TMEM40: variants seen among roughly 807,000 people sequenced by gnomAD.
TMEM40 encodes transmembrane protein 40.
Under a neutral mutation model 40.8 loss-of-function variants are expected in TMEM40, and 34 were observed. That is an observed-to-expected ratio of 0.83 (90% CI 0.63 to 1.11). TMEM40 has a LOEUF of 1.11. Ranked by LOEUF, TMEM40 falls within the 50% of genes least tolerant of loss-of-function variation. The pLI is 0.00. For missense variants in TMEM40, 296 were observed against 280.2 expected (o/e 1.06, Z -0.40); for synonymous variants, 106 against 107.0 (o/e 0.99, Z 0.06).
chr3:12,752,394 G>A (rs2061484630), intron 1 of TMEM40, among the ~76,000 whole-genome samples: 1 of 152,170 alleles, frequency 6.6e-6, no homozygotes, highest in East Asian at 1.9e-4. Flanking sequence ...CTATCTGCCA[G>A]GCAAGGTTCT....
At position 12,738,575 on chromosome 3, in the gene TMEM40, C is replaced by T. The variant is rs1376845516; in HGVS notation, c.369G>A (p.Glu123=). Residue 123 remains glutamate, a synonymous_variant, in exon 6 of 12, where the codon GAG becomes GAA. Transcript: ENST00000314124. ...ELQLYGDAPG[E]VVPSGESGLR... ...CACCTGATTCCCCAGAGGGTACCAC[C>T]TCTCCAGGAGCATCTGCACAGAAAG... 6.2e-7 allele frequency: 1 copy of T among 1,614,140 alleles called. No homozygotes were observed. The highest frequency in any genetic ancestry group is 1.1e-5 in the South Asian group (1 of 91,090).
rs2061324240 is a variant in TMEM40 at position 12,734,534 on chromosome 3, C to T, written c.*240G>A. On this transcript the variant is annotated 3_prime_UTR_variant, in exon 12 of 12. Transcript: ENST00000314124. ...TCCAGGTACTGTGAAGCCTCAGGCC[C>T]CACACCCACCCTCTGCCTTCCATCC... 2 of 534,970 alleles carry T rather than the reference C, an allele frequency of 3.7e-6. No homozygotes were observed. Among genetic ancestry groups the T allele is most frequent in the Non-Finnish European group, 6.7e-6 (2 of 296,480 alleles). The allele number at this position is 534,970 out of a possible 1,614,324, so 33.1% of individuals were successfully genotyped here.
intron 4 of TMEM40, among the ~76,000 whole-genome samples, chr3:12,743,075 TG>T (rs1322853746): frequency 3.9e-5 from 6 of 152,250 alleles, no homozygotes; most frequent in Non-Finnish European, 7.3e-5. Flanking sequence ...TGGCAGGTTC[TG>T]TACTATACAA....
upstream of TMEM40, among the ~76,000 whole-genome samples, chr3:12,763,398 A>G (rs2061581562): frequency 6.6e-6 from 1 of 152,076 alleles, no homozygotes; most frequent in African/African-American, 2.4e-5. Flanking sequence ...AGGGGACATG[A>G]TAGAGCTGCC....
chr3:12,763,476 T>G (rs1185763933), upstream of TMEM40, among the ~76,000 whole-genome samples: 1 of 151,766 alleles, frequency 6.6e-6, no homozygotes, highest in East Asian at 1.9e-4. Context: ...GTGTAGGGGG[T>G]GATTCATAGG....
rs75135909 is a variant in TMEM40 at position 12,733,915 on chromosome 3, T to A, written c.*859A>T. On this transcript the variant is annotated 3_prime_UTR_variant, in exon 12 of 12. Transcript: ENST00000314124. ...TTTATTTGTCTTTTTTTTTTTTTTT[T>A]AATTTTAGAGAAACGATCTTGCTCT... 2 of 136,196 alleles carry A rather than the reference T, an allele frequency of 1.5e-5. No individual in the cohort carries two copies. The highest frequency in any genetic ancestry group is 7.4e-5 in the Admixed American group (1 of 13,512). 8.4% of individuals were successfully genotyped at this position (136,196 alleles called of 1,614,324 possible).
At chr3:12,751,874 T>C (rs2061480226) in intron 1 of TMEM40, among the ~76,000 whole-genome samples, 1 of 152,192 alleles carries the variant, frequency 6.6e-6, no homozygotes, top group African/African-American at 2.4e-5. Context: ...GTTTACAAAG[T>C]GATGAGCTCT....
rs776857586 is a variant in TMEM40 at position 12,738,604 on chromosome 3, A to C, written c.356-16T>G. Reference sequence around the variant, plus strand: ...CCAGGAGCATCTGCACAGAAAGGAAATCAGTGATCATATACCCATGATCCT... The same window carrying C: ...CCAGGAGCATCTGCACAGAAAGGAACTCAGTGATCATATACCCATGATCCT... On this transcript the variant is annotated splice_polypyrimidine_tract_variant and intron_variant, in intron 5 of 11. Transcript: ENST00000314124. 5 of 1,612,304 alleles carry C rather than the reference A, an allele frequency of 3.1e-6. No homozygotes were observed. Among genetic ancestry groups the C allele is most frequent in the Admixed American group, 3.3e-5 (2 of 60,002 alleles).
chr3:12,735,284 T>G (rs537225363), intron 11 of TMEM40, among the ~76,000 whole-genome samples: 31 of 152,370 alleles, frequency 2.0e-4, no homozygotes, highest in Non-Finnish European at 3.7e-4. Flanking sequence ...ATTTTTCTAC[T>G]GTTTCACACT....
upstream of TMEM40, among the ~76,000 whole-genome samples, chr3:12,761,668 G>A (rs2061569396): frequency 6.6e-6 from 1 of 152,084 alleles, no homozygotes; most frequent in African/African-American, 2.4e-5. Context: ...TGGACTGGTG[G>A]AGAAGCTGTG....
At chr3:12,768,743 G>A (rs185475283) in intron 1 of TMEM40, among the ~76,000 whole-genome samples, 216 of 152,240 alleles carry the variant, frequency 1.4e-3, no homozygotes, top group African/African-American at 5.0e-3. Context: ...AGTGGATCCC[G>A]CACCGGGGGC....
In TMEM40 at chr3:12,734,652, T is replaced by C. The variant is rs2061325077; in HGVS notation, c.*122A>G. 1 of 1,137,178 alleles carries C rather than the reference T, an allele frequency of 8.8e-7. No homozygotes were observed. The highest frequency in any genetic ancestry group is 1.3e-6 in the Non-Finnish European group (1 of 792,184). 70.4% of individuals were successfully genotyped at this position (1,137,178 alleles called of 1,614,324 possible). A position where few individuals can be genotyped will look rare whatever the true frequency, so the allele number is the denominator to read the frequency against. On this transcript the variant is annotated 3_prime_UTR_variant, in exon 12 of 12. Coordinates refer to ENST00000314124, the MANE Select transcript of TMEM40 (RefSeq NM_018306.4). ...AGACCACATGGAAGGAAAAGTGTTC[T>C]GTTTATTGGTCTGGCTTGGTCTCCT...
intron 1 of TMEM40, among the ~76,000 whole-genome samples, chr3:12,754,560 A>C (rs2061504197): frequency 6.6e-6 from 1 of 152,258 alleles, no homozygotes; most frequent in Admixed American, 6.5e-5. Flanking sequence ...CAAAGCTAGC[A>C]TATCCTTAGG....
At chr3:12,749,259 T>C (rs2061454409) in intron 2 of TMEM40, among the ~76,000 whole-genome samples, 1 of 152,124 alleles carries the variant, frequency 6.6e-6, no homozygotes, top group African/African-American at 2.4e-5. Flanking sequence ...CTCCTGACCT[T>C]CTGATCTGCC....
intron 3 of TMEM40, among the ~76,000 whole-genome samples, chr3:12,744,910 T>C (rs1293331284): frequency 2.0e-5 from 3 of 152,148 alleles, no homozygotes; most frequent in Non-Finnish European, 4.4e-5. Flanking sequence ...ACAACGGTGG[T>C]GTTTATCTCA....
intron 10 of TMEM40, among the ~76,000 whole-genome samples, chr3:12,736,047 G>A (rs963315995): frequency 6.6e-6 from 1 of 152,076 alleles, no homozygotes; most frequent in African/African-American, 2.4e-5. Flanking sequence ...TTAAACTGTT[G>A]CTGTTGCATT....
intron 1 of TMEM40, among the ~76,000 whole-genome samples, chr3:12,768,833 G>A (rs1259558145): frequency 2.6e-5 from 4 of 151,338 alleles, no homozygotes; most frequent in South Asian, 2.1e-4. Flanking sequence ...ACCGGGCGCC[G>A]TGGAGCAGGG....
At chr3:12,769,313 G>A (rs1020601515) in exon 1 of TMEM40, 4 of 356,248 alleles carry the variant, frequency 1.1e-5, no homozygotes, top group Non-Finnish European at 2.4e-5. Context: ...CTCCCACAGT[G>A]CAGCAGCGGG....
intron 5 of TMEM40, among the ~76,000 whole-genome samples, chr3:12,740,650 G>C (rs577809129): frequency 3.3e-5 from 5 of 151,946 alleles, no homozygotes; most frequent in Admixed American, 2.6e-4. Context: ...TTGAGTCCAG[G>C]AGTTCAAGAC....
Sources: gnomAD v4.1 joint callset for allele counts (sites outside exome capture counted in the v4.1 genomes callset) on GRCh38, gnomAD v4.1.1 for gene constraint, MANE v1.5 for transcripts, NCBI Gene and HGNC (gene_info 2026-07-23, HGNC 2026-07-21) for gene names.